MMP26: variants seen among roughly 807,000 people sequenced by gnomAD.
MMP26 encodes the protein matrix metalloproteinase-26.
MMP26 carries 33 observed loss-of-function variants against 31.0 expected under a neutral mutation model. The observed-to-expected ratio is 1.06, with a 90% CI of 0.81 to 1.42. The LOEUF (loss-of-function observed/expected upper bound fraction) is 1.42, where lower values mean the gene tolerates loss of function less well. Ranked by LOEUF, MMP26 falls within the 40% of genes most tolerant of loss-of-function variation. The pLI is 0.00. For synonymous variants in MMP26, 122 were observed against 114.9 expected, an observed-to-expected ratio of 1.06 and a Z score of -0.40; for missense variants, 347 against 316.1, an observed-to-expected ratio of 1.10 and a Z score of -0.74.
At chr11:4,937,416 G>T (rs1045590243) in intron 2 of MMP26, 3 of 152,302 alleles carry the variant, frequency 2.0e-5, no homozygotes, top group Non-Finnish European at 4.4e-5. Flanking sequence ...TCTTCACACA[G>T]TACACGATGG....
chr11:4,776,698 T>A (rs758542839), intron 2 of MMP26, among the ~76,000 whole-genome samples: 8 of 152,256 alleles, frequency 5.3e-5, no homozygotes, highest in Non-Finnish European at 8.8e-5. Context: ...TGATATCTGG[T>A]TGTTTGAAAG....
At chr11:4,760,949 T>G (rs1432796170) in intron 1 of MMP26, among the ~76,000 whole-genome samples, 1 of 152,224 alleles carries the variant, frequency 6.6e-6, no homozygotes, top group Non-Finnish European at 1.5e-5. Context: ...AAGTATAATT[T>G]TTGCTATGAT....
rs190391573 is a variant in MMP26, at chr11:4,856,276, C to T, written c.-145+88935C>T. 8.3e-3 allele frequency among the ~76,000 whole-genome samples: 1,258 copies of T among 152,162 alleles called. 22 individuals are homozygous for T. The highest frequency in any genetic ancestry group is 0.027 in the African/African-American group (1,105 of 41,466). Reference sequence around the variant, plus strand: ...GTTCCAATTAAAAGACACAGACTGGCAAATTGGATAAACAGTCAAGACCCA... The same window carrying T: ...GTTCCAATTAAAAGACACAGACTGGTAAATTGGATAAACAGTCAAGACCCA... On this transcript the variant is annotated intron_variant, in intron 2 of 7. Coordinates refer to ENST00000380390, the MANE Select transcript of MMP26 (RefSeq NM_021801.5).
At chr11:4,912,313 C>T (rs887580210) in intron 2 of MMP26, among the ~76,000 whole-genome samples, 1 of 152,006 alleles carries the variant, frequency 6.6e-6, no homozygotes, top group Non-Finnish European at 1.5e-5. Flanking sequence ...ACTTTCTATA[C>T]CTGACCCCAA....
intron 2 of MMP26, among the ~76,000 whole-genome samples, chr11:4,986,470 C>T (rs1241118650): frequency 6.7e-6 from 1 of 148,924 alleles, no homozygotes; most frequent in African/African-American, 2.5e-5. Context: ...ACCTCAGCCT[C>T]CTGAGTAGCT....
In MMP26 at chr11:4,740,202, G is replaced by C. The variant is rs957058857; in HGVS notation, c.-216-27068G>C. On this transcript the variant is annotated intron_variant, in intron 1 of 7. Transcript: ENST00000380390. Reference sequence around the variant, plus strand: ...GATCCTTATTCATCAGATAATTTTAGAAGAACATTTTAACAGTTATACATA... The same window carrying C: ...GATCCTTATTCATCAGATAATTTTACAAGAACATTTTAACAGTTATACATA... 1.9e-4 allele frequency among the ~76,000 whole-genome samples: 29 copies of C among 152,116 alleles called. 1 individual carries two copies. The highest frequency in any genetic ancestry group is 1.9e-3 in the Admixed American group (29 of 15,286).
intron 2 of MMP26, among the ~76,000 whole-genome samples, chr11:4,985,167 C>A (rs1279666014): frequency 9.1e-6 from 1 of 109,574 alleles, no homozygotes; most frequent in Non-Finnish European, 2.3e-5. Flanking sequence ...CATAATCTGA[C>A]TTAAAACTTA....
At chr11:4,955,182 G>C in intron 2 of MMP26, 1 of 1,306,242 alleles carries the variant, frequency 7.7e-7, no homozygotes, top group East Asian at 2.7e-5. Flanking sequence ...CAGTAGGAAT[G>C]GGATAATTGG....
chr11:4,888,814 A>T (rs965013200), intron 2 of MMP26, among the ~76,000 whole-genome samples: 2 of 152,144 alleles, frequency 1.3e-5, no homozygotes, highest in Non-Finnish European at 2.9e-5. Context: ...GACTTCTTTC[A>T]CTTAAATGGG....
At chr11:4,900,662 A>T (rs1419208270) in intron 2 of MMP26, among the ~76,000 whole-genome samples, 1 of 152,142 alleles carries the variant, frequency 6.6e-6, no homozygotes, top group African/African-American at 2.4e-5. Context: ...TTATGTATAG[A>T]CTATGATGAA....
Position 4,946,094 on chromosome 11 carries a change from A to G in MMP26, c.-144-41974A>G. 3 of 1,385,092 alleles carry G rather than the reference A, an allele frequency of 2.2e-6. No individual in the cohort carries two copies. In the South Asian group the frequency reaches 3.8e-5, roughly 17 times the overall value. 85.8% of individuals were successfully genotyped at this position (1,385,092 alleles called of 1,614,324 possible). A position where few individuals can be genotyped will look rare whatever the true frequency, so the allele number is the denominator to read the frequency against. On this transcript the variant is annotated intron_variant, in intron 2 of 7. Transcript: ENST00000380390. ...TTGATAATTCTTGGTGTCAAATATT[A>G]GGTTTCTCAAATTTACCTTAAATAT...
At chr11:4,778,615 T>A (rs948764178) in intron 2 of MMP26, among the ~76,000 whole-genome samples, 3 of 152,056 alleles carry the variant, frequency 2.0e-5, no homozygotes, top group Non-Finnish European at 4.4e-5. Context: ...ATACTTCACA[T>A]TTTCACATAA....
intron 2 of MMP26, among the ~76,000 whole-genome samples, chr11:4,895,062 G>A (rs1376709951): frequency 6.6e-6 from 1 of 152,016 alleles, no homozygotes; most frequent in African/African-American, 2.4e-5. Flanking sequence ...TAATTAAAAA[G>A]GGACTAATGC....
At chr11:4,882,747 T>C in intron 2 of MMP26, 4 of 1,613,956 alleles carry the variant, frequency 2.5e-6, no homozygotes, top group Non-Finnish European at 3.4e-6. Context: ...AATATTTATC[T>C]GCTCTTACCA....
intron 2 of MMP26, chr11:4,946,604 C>T (rs201205025): frequency 6.5e-7 from 1 of 1,535,190 alleles, no homozygotes. Context: ...TCTCAAGTTT[C>T]TTAAAGTGAA....
chr11:4,932,192 C>G (rs988064131), intron 2 of MMP26, among the ~76,000 whole-genome samples: 2 of 152,098 alleles, frequency 1.3e-5, no homozygotes, highest in Non-Finnish European at 2.9e-5. Context: ...TCATAATTCG[C>G]AGTTTGTGAA....
In MMP26 at chr11:4,946,605, T is replaced by C. The variant is rs766890785; in HGVS notation, c.-144-41463T>C. The stretch of plus-strand genomic sequence containing the variant: ...TTTTTCTTGCAATATCTCAAGTTTC[T>C]TAAAGTGAAAGGGAAGGGAAGAACC... On this transcript the variant is annotated intron_variant, in intron 2 of 7. Coordinates refer to ENST00000380390, the MANE Select transcript of MMP26 (RefSeq NM_021801.5). The C allele has an allele frequency of 5.1e-6, 8 of 1,561,764 alleles. 1 individual carries two copies. The highest frequency in any genetic ancestry group is 7.0e-6 in the Non-Finnish European group (8 of 1,135,358).
intron 2 of MMP26, among the ~76,000 whole-genome samples, chr11:4,970,175 T>C (rs940836788): frequency 1.3e-5 from 2 of 152,362 alleles, no homozygotes; most frequent in African/African-American, 4.8e-5. Context: ...AAGTAGTTCT[T>C]ATCTTTAATA....
intron 2 of MMP26, among the ~76,000 whole-genome samples, chr11:4,867,315 C>G (rs916615035): frequency 2.0e-5 from 3 of 150,282 alleles, no homozygotes; most frequent in Admixed American, 2.0e-4. Flanking sequence ...TACATGTGAC[C>G]AACAAACATA....
Sources: gnomAD v4.1 joint callset for allele counts (sites outside exome capture counted in the v4.1 genomes callset) on GRCh38, gnomAD v4.1.1 for gene constraint, MANE v1.5 for transcripts, NCBI Gene and HGNC (gene_info 2026-07-23, HGNC 2026-07-21) for gene names.